GALNTL6: variants seen among roughly 807,000 people sequenced by gnomAD.
The protein encoded by GALNTL6 is polypeptide N-acetylgalactosaminyltransferase-like 6.
GALNTL6 carries 46 observed loss-of-function variants against 73.7 expected under a neutral mutation model. The observed-to-expected ratio is 0.62, with a 90% CI of 0.49 to 0.80. The LOEUF is 0.80. GALNTL6 is among the 30% of genes least tolerant of loss of function. The probability of loss-of-function intolerance (pLI) is 0.00; values close to 1 mark genes in which losing one functional copy is unlikely to be tolerated. For synonymous variants in GALNTL6, 259 were observed against 263.7 expected, an observed-to-expected ratio of 0.98 and a Z score of 0.17; for missense variants, 604 against 755.0, an observed-to-expected ratio of 0.80 and a Z score of 2.34.
chr4:172,875,732 A>ACACAC (rs1745159920), intron 7 of GALNTL6, among the ~76,000 whole-genome samples: 2 of 145,718 alleles, frequency 1.4e-5, no homozygotes, highest in African/African-American at 5.1e-5. Flanking sequence ...CTCATACATA[A>ACACAC]ACACACACAC....
chr4:171,821,185 G>A (rs997039139), intron 2 of GALNTL6, among the ~76,000 whole-genome samples: 11 of 152,038 alleles, frequency 7.2e-5, no homozygotes, highest in African/African-American at 1.4e-4. Flanking sequence ...ACAGGCAGGC[G>A]CCATGATACC....
At chr4:172,324,188 A>G (rs185384131) in intron 4 of GALNTL6, among the ~76,000 whole-genome samples, 2 of 152,110 alleles carry the variant, frequency 1.3e-5, no homozygotes, top group African/African-American at 4.8e-5. Flanking sequence ...TGTTAACATA[A>G]TTAAGGAATC....
At position 171,819,878 on chromosome 4, in the gene GALNTL6, G is replaced by A. The variant is rs372399979; in HGVS notation, c.138+5160G>A. The stretch of plus-strand genomic sequence containing the variant: ...CTTTAAAACCATCTAAGGAGACCAT[G>A]TTCTTTTCTTTTGCTCATATTTGCA... On this transcript the variant is annotated intron_variant, in intron 2 of 12. Transcript: ENST00000506823. Among the ~76,000 whole-genome samples, 44 of 152,214 alleles carry A rather than the reference G, an allele frequency of 2.9e-4. 1 individual carries two copies. The highest frequency in any genetic ancestry group is 9.1e-4 in the African/African-American group (38 of 41,544).
At chr4:172,311,242 G>T (rs1475781794) in intron 3 of GALNTL6, among the ~76,000 whole-genome samples, 1 of 152,050 alleles carries the variant, frequency 6.6e-6, no homozygotes. Flanking sequence ...GTGTAAATTG[G>T]AATACAATCA....
At chr4:171,818,316 AT>A (rs944793253) in intron 2 of GALNTL6, among the ~76,000 whole-genome samples, 2 of 151,970 alleles carry the variant, frequency 1.3e-5, no homozygotes, top group African/African-American at 4.8e-5. Context: ...GTGAAAAAAA[AT>A]CTAGCACCAA....
intron 2 of GALNTL6, among the ~76,000 whole-genome samples, chr4:172,185,836 A>G (rs1372807827): frequency 1.3e-5 from 2 of 152,204 alleles, no homozygotes; most frequent in Non-Finnish European, 2.9e-5. Context: ...TATTTCAGTA[A>G]AGTAATATAG....
At chr4:172,211,823 G>A (rs780805869) in intron 2 of GALNTL6, among the ~76,000 whole-genome samples, 16 of 152,176 alleles carry the variant, frequency 1.1e-4, no homozygotes, top group Non-Finnish European at 1.8e-4. Context: ...GAAAGGGCAA[G>A]ATAGCTTGCT....
intron 5 of GALNTL6, among the ~76,000 whole-genome samples, chr4:172,533,316 ATTTTTTTT>A (rs34973148): frequency 3.9e-5 from 3 of 77,420 alleles, no homozygotes; most frequent in South Asian, 1.1e-3. Context: ...CCCGGCCAGA[ATTTTTTTT>A]TTTTTTTTTT....
At chr4:171,932,958 C>T (rs772178097) in intron 2 of GALNTL6, among the ~76,000 whole-genome samples, 6 of 152,160 alleles carry the variant, frequency 3.9e-5, no homozygotes, top group Non-Finnish European at 8.8e-5. Context: ...TGCAGAGCAG[C>T]AGCATCAGTA....
intron 5 of GALNTL6, among the ~76,000 whole-genome samples, chr4:172,394,799 C>T (rs971370028): frequency 2.6e-5 from 4 of 152,064 alleles, no homozygotes; most frequent in African/African-American, 7.2e-5. Context: ...GCTGACACCC[C>T]TCCTGACAAG....
intron 2 of GALNTL6, among the ~76,000 whole-genome samples, chr4:171,988,136 A>C (rs185479779): frequency 3.9e-5 from 6 of 152,200 alleles, no homozygotes; most frequent in Admixed American, 3.9e-4. Context: ...CATGAGGGCT[A>C]GGCTAAAACA....
intron 8 of GALNTL6, among the ~76,000 whole-genome samples, chr4:172,930,861 C>T (rs540133554): frequency 2.6e-5 from 4 of 152,188 alleles, no homozygotes; most frequent in South Asian, 2.1e-4. Flanking sequence ...AATGTGGTTT[C>T]GTCATGTTGC....
chr4:172,031,894 C>T (rs189787443), intron 2 of GALNTL6, among the ~76,000 whole-genome samples: 16 of 152,024 alleles, frequency 1.1e-4, no homozygotes, highest in African/African-American at 3.6e-4. Context: ...TACCTGAAAA[C>T]GGAATTAGAG....
intron 2 of GALNTL6, among the ~76,000 whole-genome samples, chr4:172,167,067 G>A (rs2110808171): frequency 6.6e-6 from 1 of 152,236 alleles, no homozygotes; most frequent in South Asian, 2.1e-4. Context: ...TGTCTCTAAA[G>A]TTAATCTTCA....
chr4:172,433,904 T>C (rs1731549597), intron 5 of GALNTL6, among the ~76,000 whole-genome samples: 1 of 152,146 alleles, frequency 6.6e-6, no homozygotes, highest in African/African-American at 2.4e-5. Context: ...TTGTAACACT[T>C]TTATTTTTCT....
chr4:173,013,857 T>G (rs1752662410), intron 11 of GALNTL6, among the ~76,000 whole-genome samples: 1 of 152,210 alleles, frequency 6.6e-6, no homozygotes, highest in Non-Finnish European at 1.5e-5. Context: ...AGTAATTAAC[T>G]GTAAGCTTTA....
At chr4:172,105,956 T>C (rs1732662642) in intron 2 of GALNTL6, among the ~76,000 whole-genome samples, 1 of 152,144 alleles carries the variant, frequency 6.6e-6, no homozygotes, top group South Asian at 2.1e-4. Context: ...TAATATGGAA[T>C]TGTAAAAATG....
At position 173,039,938 on chromosome 4, in the gene GALNTL6, A is replaced by C; in HGVS notation, c.1644A>C (p.Arg548Ser). 6.2e-7 allele frequency: 1 copy of C among 1,612,708 alleles called. No individual in the cohort carries two copies. The highest frequency in any genetic ancestry group is 1.1e-5 in the South Asian group (1 of 90,638). ...GNQLWGYRKD[R>S]TLFHPVSNSC... ...TTTCTTCCTCACTCCTCCAGGACAG[A>C]ACATTATTCCATCCTGTGAGCAACA... The change falls in exon 13 of 13, where the codon AGA (arginine) becomes AGC (serine). Residue 548 changes from arginine (R) to serine (S), a missense_variant. Transcript: ENST00000506823.
intron 10 of GALNTL6, among the ~76,000 whole-genome samples, chr4:173,002,521 A>G (rs1579766502): frequency 1.3e-5 from 2 of 150,506 alleles, no homozygotes; most frequent in African/African-American, 2.4e-5. Context: ...GAGGTCGGGC[A>G]TGGTGGCTCA....
Sources: gnomAD v4.1 joint callset for allele counts (sites outside exome capture counted in the v4.1 genomes callset) on GRCh38, gnomAD v4.1.1 for gene constraint, MANE v1.5 for transcripts, NCBI Gene and HGNC (gene_info 2026-07-23, HGNC 2026-07-21) for gene names.